The following BRMS1L variants were observed in gnomAD, a reference collection of about 807,000 sequenced individuals.
The protein encoded by BRMS1L is breast cancer metastasis-suppressor 1-like protein.
Under a neutral mutation model 50.3 loss-of-function variants are expected in BRMS1L, and 23 were observed. That is an observed-to-expected ratio of 0.46 (90% CI 0.33 to 0.65). BRMS1L has a LOEUF of 0.65. BRMS1L is among the 30% of genes least tolerant of loss of function. The pLI is 0.02. For missense variants in BRMS1L, 286 were observed against 386.1 expected (o/e 0.74, Z 2.17); for synonymous variants, 114 against 126.9 (o/e 0.90, Z 0.69).
At chr14:35,827,486 T>C (rs905525052) in intron 1 of BRMS1L, among the ~76,000 whole-genome samples, 2 of 152,220 alleles carry the variant, frequency 1.3e-5, no homozygotes, top group Non-Finnish European at 2.9e-5. Flanking sequence ...ATTTTGGTCA[T>C]GTAAAGGAAG....
chr14:35,838,119 C>T (rs4981310), intron 4 of BRMS1L, among the ~76,000 whole-genome samples: 14 of 152,186 alleles, frequency 9.2e-5, no homozygotes, highest in South Asian at 2.1e-4. Context: ...TGAGAACACG[C>T]GGTGTTTTGT....
rs192076592 is a variant in BRMS1L at position 35,838,219 on chromosome 14, C to T, written c.441+3296C>T. Reference sequence around the variant, plus strand: ...GACATGAACTCATCCTTTTCTATGGCTGCATAGTATTCCATGGTGTATATG... The same window carrying T: ...GACATGAACTCATCCTTTTCTATGGTTGCATAGTATTCCATGGTGTATATG... On this transcript the variant is annotated intron_variant, in intron 4 of 9. Transcript: ENST00000216807. Among the ~76,000 whole-genome samples, 119 of 152,326 alleles carry T rather than the reference C, an allele frequency of 7.8e-4. No individual in the cohort carries two copies. The South Asian group carries it at 9.3e-3, about 12-fold the overall frequency.
chr14:35,829,801 T>G, intron 1 of BRMS1L: 3 of 1,243,436 alleles, frequency 2.4e-6, no homozygotes, highest in Non-Finnish European at 3.1e-6. Context: ...ATAGTTTGAC[T>G]TTTATTTGAT....
intron 1 of BRMS1L, among the ~76,000 whole-genome samples, chr14:35,828,539 T>C (rs922937736): frequency 1.4e-5 from 2 of 145,944 alleles, no homozygotes; most frequent in African/African-American, 5.1e-5. Flanking sequence ...AATGGCATCA[T>C]CTTGGCTCAC....
At chr14:35,840,503 C>A (rs962332384) in intron 4 of BRMS1L, among the ~76,000 whole-genome samples, 1 of 146,604 alleles carries the variant, frequency 6.8e-6, no homozygotes, top group African/African-American at 2.5e-5. Flanking sequence ...TGGTCCTGGG[C>A]TTTTTTTGGT....
chr14:35,826,974 T>A (rs977132014), intron 1 of BRMS1L, among the ~76,000 whole-genome samples: 6 of 152,052 alleles, frequency 3.9e-5, no homozygotes, highest in African/African-American at 1.4e-4. Context: ...TGGAAATGCC[T>A]CCTCTCCCCA....
chr14:35,855,967 T>C (rs770687726), intron 4 of BRMS1L, among the ~76,000 whole-genome samples: 2 of 152,242 alleles, frequency 1.3e-5, no homozygotes, highest in Non-Finnish European at 2.9e-5. Flanking sequence ...TTGATCTTTC[T>C]ACCCATTCAT....
At chr14:35,857,240 C>CA (rs200406365) in intron 4 of BRMS1L, among the ~76,000 whole-genome samples, 21,730 of 125,000 alleles carry the variant, frequency 0.17, 1,759 homozygotes, top group East Asian at 0.34. Context: ...GACTCCGTCT[C>CA]AAAAAAAAAA....
At chr14:35,842,671 C>T (rs910186783) in intron 4 of BRMS1L, among the ~76,000 whole-genome samples, 1 of 152,064 alleles carries the variant, frequency 6.6e-6, no homozygotes, top group African/African-American at 2.4e-5. Flanking sequence ...TTGCTCTTCT[C>T]GAGGAGTATC....
chr14:35,834,750 C>A, intron 3 of BRMS1L, 94 bp from the exon 4 acceptor site: 2 of 822,940 alleles, frequency 2.4e-6, no homozygotes, highest in Non-Finnish European at 1.7e-6. Context: ...CTTGATCCAT[C>A]TTATTAAATA....
chr14:35,836,440 A>G (rs1180377623), intron 4 of BRMS1L, among the ~76,000 whole-genome samples: 1 of 152,142 alleles, frequency 6.6e-6, no homozygotes, highest in East Asian at 1.9e-4. Context: ...CCCTGGCCTC[A>G]AGCCATCCTC....
rs1322168830 is a variant in BRMS1L, at chr14:35,871,608, C to T, written c.*1131C>T. On this transcript the variant is annotated 3_prime_UTR_variant, in exon 10 of 10. Coordinates refer to ENST00000216807, the MANE Select transcript of BRMS1L (RefSeq NM_032352.4). Reference sequence around the variant, plus strand: ...CAGGTATTCCTGGTGGTCTTGTGCACTTTAATTTCTGTTACAATGAGTTAA... The same window carrying T: ...CAGGTATTCCTGGTGGTCTTGTGCATTTTAATTTCTGTTACAATGAGTTAA... The T allele has an allele frequency of 6.6e-6, 1 of 152,634 alleles. No homozygotes were observed. Among genetic ancestry groups the T allele is most frequent in the Non-Finnish European group, 1.5e-5 (1 of 68,040 alleles). 9.5% of individuals were successfully genotyped at this position (152,634 alleles called of 1,614,324 possible).
At chr14:35,865,863 T>C in intron 8 of BRMS1L, 102 bp downstream of exon 8, 1 of 1,019,566 alleles carries the variant, frequency 9.8e-7, no homozygotes. Context: ...TGGTTTTATT[T>C]CATCAGTGAA....
chr14:35,870,234 A>G (rs891035860), intron 9 of BRMS1L, 126 bp from the exon 10 acceptor site: 13 of 589,884 alleles, frequency 2.2e-5, no homozygotes, highest in Non-Finnish European at 3.7e-5. Context: ...ATTCTGGTAA[A>G]TGACAATTAT....
intron 9 of BRMS1L, 72 bp downstream of exon 9, chr14:35,868,104 C>T (rs1287158523): frequency 2.1e-6 from 3 of 1,454,580 alleles, no homozygotes; most frequent in Non-Finnish European, 2.7e-6. Flanking sequence ...TGAAATATTT[C>T]CTGCCTCCAT....
At chr14:35,859,655 A>AT (rs138738067) in intron 4 of BRMS1L, among the ~76,000 whole-genome samples, 6 of 151,560 alleles carry the variant, frequency 4.0e-5, no homozygotes, top group Non-Finnish European at 5.9e-5. Flanking sequence ...ATTTATTTGA[A>AT]TTTTTTTTTA....
At chr14:35,847,890 A>G (rs2078157996) in intron 4 of BRMS1L, among the ~76,000 whole-genome samples, 1 of 152,164 alleles carries the variant, frequency 6.6e-6, no homozygotes, top group Non-Finnish European at 1.5e-5. Flanking sequence ...ATTTCCTTCT[A>G]TTCTAAGGCT....
At chr14:35,853,504 C>G (rs2078240994) in intron 4 of BRMS1L, among the ~76,000 whole-genome samples, 1 of 151,930 alleles carries the variant, frequency 6.6e-6, no homozygotes, top group Non-Finnish European at 1.5e-5. Context: ...GCCTGTAACT[C>G]CTGAGCTCAA....
At chr14:35,861,640 C>G (rs1366759826) in intron 4 of BRMS1L, among the ~76,000 whole-genome samples, 2 of 152,134 alleles carry the variant, frequency 1.3e-5, no homozygotes, top group Non-Finnish European at 2.9e-5. Context: ...AGTTTGTAAG[C>G]CATCTTTTCC....
Sources: allele counts gnomAD v4.1 joint callset (sites outside exome capture counted in the v4.1 genomes callset), GRCh38; gene constraint gnomAD v4.1.1; transcripts MANE v1.5; gene names NCBI Gene and HGNC (gene_info 2026-07-23, HGNC 2026-07-21).